NCKAP5: variants seen among roughly 807,000 people sequenced by gnomAD.
NCKAP5 encodes the protein nck-associated protein 5.
Under a neutral mutation model 167.0 loss-of-function variants are expected in NCKAP5, and 92 were observed. The observed-to-expected ratio is 0.55, with a 90% confidence interval of 0.47 to 0.66. The LOEUF (loss-of-function observed/expected upper bound fraction) is 0.66, where lower values mean the gene tolerates loss of function less well. Ranked by LOEUF, NCKAP5 falls within the 30% of genes least tolerant of loss-of-function variation. The probability of loss-of-function intolerance (pLI) is 0.00; values close to 1 mark genes in which losing one functional copy is unlikely to be tolerated. For synonymous variants in NCKAP5, 891 were observed against 877.4 expected, an observed-to-expected ratio of 1.02 and a Z score of -0.27; for missense variants, 2,378 against 2,315.0, an observed-to-expected ratio of 1.03 and a Z score of -0.56.
At chr2:133,006,506 T>C (rs911760288) in intron 6 of NCKAP5, among the ~76,000 whole-genome samples, 1 of 152,154 alleles carries the variant, frequency 6.6e-6, no homozygotes, top group African/African-American at 2.4e-5. Flanking sequence ...GTATGGGAGT[T>C]TGACTCAGAG....
At chr2:133,161,790 C>T (rs1247131879) in intron 5 of NCKAP5, among the ~76,000 whole-genome samples, 3 of 152,136 alleles carry the variant, frequency 2.0e-5, no homozygotes, top group Non-Finnish European at 4.4e-5. Flanking sequence ...TCAGGCCTGT[C>T]CAAGGAAGGT....
At chr2:133,564,872 G>A (rs773533406) in intron 1 of NCKAP5, among the ~76,000 whole-genome samples, 15 of 152,198 alleles carry the variant, frequency 9.9e-5, no homozygotes, top group African/African-American at 2.4e-4. Flanking sequence ...GTATTCATCC[G>A]TCTACTCAAC....
chr2:133,423,899 T>C (rs1471653891), intron 3 of NCKAP5, among the ~76,000 whole-genome samples: 1 of 152,204 alleles, frequency 6.6e-6, no homozygotes, highest in Non-Finnish European at 1.5e-5. Flanking sequence ...GGTTTTTGTT[T>C]GTTTGCATTT....
intron 3 of NCKAP5, among the ~76,000 whole-genome samples, chr2:133,417,579 C>G (rs1460838281): frequency 6.6e-6 from 1 of 152,134 alleles, no homozygotes; most frequent in African/African-American, 2.4e-5. Flanking sequence ...GGGATGGGAG[C>G]CCCAGGCTTT....
intron 6 of NCKAP5, among the ~76,000 whole-genome samples, chr2:132,998,072 G>A (rs1373912927): frequency 6.6e-6 from 1 of 152,172 alleles, no homozygotes; most frequent in Non-Finnish European, 1.5e-5. Flanking sequence ...TAGCACAGAA[G>A]CTGGATGTCT....
the NCKAP5 span, among the ~76,000 whole-genome samples, chr2:133,633,330 C>T: frequency 6.0e-4 from 92 of 152,320 alleles, no homozygotes; most frequent in Non-Finnish European, 1.3e-4. Context: ...GCCGCTTGGC[C>T]TTTCTAAACA....
At chr2:133,623,727 A>G in the NCKAP5 span, among the ~76,000 whole-genome samples, 1 of 152,160 alleles carries the variant, frequency 6.6e-6, no homozygotes, top group East Asian at 1.9e-4. Context: ...CCTCTGGAAA[A>G]CAGTGTGGAG....
At position 132,728,843 on chromosome 2, in the gene NCKAP5, C is replaced by A. The variant is rs772194495; in HGVS notation, c.5553G>T (p.Gly1851=). The A allele has an allele frequency of 5.0e-6, 8 of 1,613,790 alleles. No individual in the cohort carries two copies. The highest frequency in any genetic ancestry group is 5.9e-6 in the Non-Finnish European group (7 of 1,179,856). Residue 1851 remains glycine, a synonymous_variant, in exon 18 of 20, where the codon GGG becomes GGT. Transcript: ENST00000409261. ...GGGTCCCGGTGGCAGCAACTTCACT[C>A]CCCCAGTCTGGAAGCGGCTGGCTTG... is the stretch of plus-strand genomic sequence containing the variant. The part of the protein sequence containing the change: ...PMASQPLPDW[G]SEVAATGTQD...
intron 16 of NCKAP5, among the ~76,000 whole-genome samples, chr2:132,757,121 A>G (rs954513558): frequency 6.6e-6 from 1 of 152,196 alleles, no homozygotes; most frequent in African/African-American, 2.4e-5. Flanking sequence ...CCCTTCCTGA[A>G]AAGCTTTCAG....
At chr2:133,118,728 A>T (rs2082160278) in intron 6 of NCKAP5, 1 of 152,154 alleles carries the variant, frequency 6.6e-6, no homozygotes, top group South Asian at 2.1e-4. Flanking sequence ...TGTTAGCTAA[A>T]CACATATTGT....
intron 8 of NCKAP5, among the ~76,000 whole-genome samples, chr2:132,901,862 A>G (rs1693653744): frequency 6.6e-6 from 1 of 152,228 alleles, no homozygotes; most frequent in Non-Finnish European, 1.5e-5. Flanking sequence ...CTAGTACAGT[A>G]CATGTTTTCA....
chr2:132,874,450 T>C (rs1691106304), intron 9 of NCKAP5, among the ~76,000 whole-genome samples: 1 of 152,100 alleles, frequency 6.6e-6, no homozygotes, highest in African/African-American at 2.4e-5. Context: ...AGCTGTAGGA[T>C]ATGCCTGAGA....
chr2:133,568,890 C>T (rs910775423), upstream of NCKAP5, among the ~76,000 whole-genome samples: 9 of 152,036 alleles, frequency 5.9e-5, no homozygotes, highest in South Asian at 2.1e-4. Context: ...TACACCTGGC[C>T]GACATTTTTC....
intron 8 of NCKAP5, among the ~76,000 whole-genome samples, 153 bp downstream of exon 8, chr2:132,963,567 C>T (rs1187226403): frequency 6.6e-6 from 1 of 152,146 alleles, no homozygotes; most frequent in Admixed American, 6.6e-5. Context: ...ACTTTTTGCT[C>T]ATTGTAGACA....
chr2:132,947,176 G>C (rs975088320), intron 8 of NCKAP5, among the ~76,000 whole-genome samples: 1 of 151,972 alleles, frequency 6.6e-6, no homozygotes, highest in African/African-American at 2.4e-5. Flanking sequence ...TCAAATAGGA[G>C]GACTATAAGA....
intron 6 of NCKAP5, among the ~76,000 whole-genome samples, chr2:133,037,318 C>T (rs1221797792): frequency 1.3e-5 from 2 of 152,046 alleles, no homozygotes; most frequent in Non-Finnish European, 2.9e-5. Context: ...TGTGGAACCA[C>T]AAAAGATCCA....
chr2:133,383,754 A>G (rs1450898574), intron 3 of NCKAP5, among the ~76,000 whole-genome samples: 2 of 152,090 alleles, frequency 1.3e-5, no homozygotes, highest in Admixed American at 6.5e-5. Flanking sequence ...AATGCTTGTC[A>G]TTCTAACTGG....
intron 3 of NCKAP5, among the ~76,000 whole-genome samples, chr2:133,465,385 C>T (rs1471490431): frequency 1.3e-5 from 2 of 151,844 alleles, no homozygotes. Context: ...ATATGTGCCA[C>T]ATTTTCTTAA....
chr2:132,794,259 TATATAGAGAGAGAGAGAGAGAGAGAG>T (rs1684355318), intron 12 of NCKAP5, among the ~76,000 whole-genome samples: 1 of 31,702 alleles, frequency 3.2e-5, no homozygotes, highest in African/African-American at 1.1e-4. Flanking sequence ...TATATATATA[TATATAGAGAGAGAGAGAGAGAGAGAG>T]AGAGAGAGAG....
Sources: allele counts gnomAD v4.1 joint callset (sites outside exome capture counted in the v4.1 genomes callset), GRCh38; gene constraint gnomAD v4.1.1; transcripts MANE v1.5; gene names NCBI Gene and HGNC (gene_info 2026-07-23, HGNC 2026-07-21).